The following GRID2 variants were observed in gnomAD, a reference collection of about 807,000 sequenced individuals.
GRID2 encodes the protein glutamate ionotropic receptor delta type subunit 2.
GRID2 carries 33 observed loss-of-function variants against 114.8 expected under a neutral mutation model. That is an observed-to-expected ratio of 0.29 (90% CI 0.22 to 0.38). GRID2 has a LOEUF of 0.38. GRID2 is among the 10% of genes least tolerant of loss of function. The pLI, the probability that GRID2 is intolerant of heterozygous loss-of-function variation, is 1.00. For synonymous variants in GRID2, 505 were observed against 449.9 expected, an observed-to-expected ratio of 1.12 and a Z score of -1.55; for missense variants, 1,184 against 1,257.7, an observed-to-expected ratio of 0.94 and a Z score of 0.89.
chr4:93,701,288 C>T (rs982232153), intron 14 of GRID2, among the ~76,000 whole-genome samples: 7 of 152,240 alleles, frequency 4.6e-5, no homozygotes, highest in African/African-American at 1.4e-4. Flanking sequence ...TTAGAGCTAA[C>T]GCTTCCAGTG....
intron 1 of GRID2, among the ~76,000 whole-genome samples, chr4:92,424,053 G>A (rs1317575913): frequency 1.3e-5 from 2 of 152,050 alleles, no homozygotes; most frequent in Non-Finnish European, 2.9e-5. Flanking sequence ...AGTATGGCAA[G>A]TGATATTTGG....
intron 14 of GRID2, among the ~76,000 whole-genome samples, chr4:93,715,504 C>T (rs1364597386): frequency 2.0e-5 from 3 of 152,114 alleles, no homozygotes; most frequent in Admixed American, 6.6e-5. Context: ...AGCATCAAAT[C>T]TAAAAATTGC....
chr4:92,390,141 T>C (rs1730170672), intron 1 of GRID2, among the ~76,000 whole-genome samples: 1 of 152,114 alleles, frequency 6.6e-6, no homozygotes, highest in African/African-American at 2.4e-5. Flanking sequence ...AGCTAGATTC[T>C]GAATTTAACA....
At chr4:93,245,740 CTATAATATGTGAATGTAACACA>C (rs1748134137) in intron 8 of GRID2, among the ~76,000 whole-genome samples, 1 of 152,052 alleles carries the variant, frequency 6.6e-6, no homozygotes, top group African/African-American at 2.4e-5. Flanking sequence ...GTTTCAAGTT[CTATAATATGTGAATGTAACACA>C]TGTAACATGT....
chr4:93,514,550 C>G (rs72670607), intron 12 of GRID2, among the ~76,000 whole-genome samples: 13 of 151,596 alleles, frequency 8.6e-5, no homozygotes, highest in Non-Finnish European at 1.8e-4. Flanking sequence ...CTGGACAGAC[C>G]CACATTTGAA....
intron 13 of GRID2, among the ~76,000 whole-genome samples, chr4:93,526,878 A>G (rs1730959217): frequency 6.6e-6 from 1 of 152,228 alleles, no homozygotes; most frequent in Admixed American, 6.5e-5. Context: ...ATACGCAAAT[A>G]GTCACACATA....
rs146126657 is a variant in GRID2, at chr4:93,653,482, T to C, written c.2360+27047T>C. ...ATTGAGGCACATTCTATAATACCTA[T>C]ATTTAAACACTTCCCAGAAGTGTGC... On this transcript the variant is annotated intron_variant, in intron 14 of 15. Coordinates refer to ENST00000282020, the MANE Select transcript of GRID2 (RefSeq NM_001510.4). Among the ~76,000 whole-genome samples, 628 of 152,242 alleles carry C rather than the reference T, an allele frequency of 4.1e-3. 7 individuals carry two copies. Among genetic ancestry groups the C allele is most frequent in the African/African-American group, 0.015 (604 of 41,550 alleles).
intron 12 of GRID2, among the ~76,000 whole-genome samples, chr4:93,504,243 T>G (rs1290756267): frequency 6.6e-6 from 1 of 152,116 alleles, no homozygotes; most frequent in Non-Finnish European, 1.5e-5. Flanking sequence ...TTTGGGTCAT[T>G]GTTTCATGTA....
intron 11 of GRID2, among the ~76,000 whole-genome samples, chr4:93,476,879 TGA>T (rs1176919047): frequency 6.6e-6 from 1 of 152,030 alleles, no homozygotes; most frequent in Admixed American, 6.6e-5. Flanking sequence ...ATACTGGAAA[TGA>T]GAACAGAAAA....
intron 14 of GRID2, among the ~76,000 whole-genome samples, chr4:93,724,059 C>T (rs1380940721): frequency 6.6e-6 from 1 of 152,164 alleles, no homozygotes; most frequent in Non-Finnish European, 1.5e-5. Context: ...AAATGAGTTA[C>T]TGTTGAAATG....
intron 8 of GRID2, among the ~76,000 whole-genome samples, chr4:93,359,473 T>G (rs916063888): frequency 1.3e-4 from 20 of 151,664 alleles, no homozygotes; most frequent in African/African-American, 4.8e-4. Flanking sequence ...TGCAATGAAA[T>G]TATTATTGAT....
At chr4:92,808,242 TA>T (rs1359680147) in intron 2 of GRID2, among the ~76,000 whole-genome samples, 1 of 151,988 alleles carries the variant, frequency 6.6e-6, no homozygotes, top group Non-Finnish European at 1.5e-5. Flanking sequence ...TTTAACTCCA[TA>T]AGATCCATTT....
intron 8 of GRID2, among the ~76,000 whole-genome samples, chr4:93,283,012 G>A (rs531310971): frequency 6.6e-6 from 1 of 152,084 alleles, no homozygotes; most frequent in Non-Finnish European, 1.5e-5. Flanking sequence ...CTGCACTTAT[G>A]ACCTAAACAG....
intron 2 of GRID2, among the ~76,000 whole-genome samples, chr4:92,918,926 G>A (rs1055892689): frequency 3.3e-5 from 5 of 152,154 alleles, no homozygotes; most frequent in Non-Finnish European, 7.3e-5. Flanking sequence ...AGAAGGAATG[G>A]TACCAGTTCC....
chr4:92,835,727 A>G (rs1742407027), intron 2 of GRID2, among the ~76,000 whole-genome samples: 1 of 152,184 alleles, frequency 6.6e-6, no homozygotes, highest in African/African-American at 2.4e-5. Flanking sequence ...CCTTCCCTAC[A>G]TTTCCTAAAA....
At chr4:93,803,592 C>T (rs962439538) in intron 1 of GRID2, among the ~76,000 whole-genome samples, 2 of 151,938 alleles carry the variant, frequency 1.3e-5, no homozygotes, top group Non-Finnish European at 2.9e-5. Context: ...CATGGTGGCA[C>T]GCACCTGTAG....
intron 8 of GRID2, among the ~76,000 whole-genome samples, chr4:93,307,167 A>C (rs1000752292): frequency 2.0e-5 from 3 of 151,206 alleles, no homozygotes; most frequent in Non-Finnish European, 4.4e-5. Flanking sequence ...GCGCCACTAC[A>C]CTCCAGCCTG....
intron 1 of GRID2, among the ~76,000 whole-genome samples, chr4:92,462,739 C>G (rs969780225): frequency 2.6e-5 from 4 of 151,790 alleles, no homozygotes; most frequent in Non-Finnish European, 5.9e-5. Context: ...TTCTATAAGA[C>G]ACTTCTGAAT....
chr4:92,353,907 G>A (rs1163188898), intron 1 of GRID2, among the ~76,000 whole-genome samples: 1 of 151,940 alleles, frequency 6.6e-6, no homozygotes, highest in Non-Finnish European at 1.5e-5. Flanking sequence ...TTCTGCCAAA[G>A]CCTTAAGCTG....
Sources: allele counts gnomAD v4.1 joint callset (sites outside exome capture counted in the v4.1 genomes callset), GRCh38; gene constraint gnomAD v4.1.1; transcripts MANE v1.5; gene names NCBI Gene and HGNC (gene_info 2026-07-23, HGNC 2026-07-21).